Variants in RCSD1 observed in about 807,000 individuals in gnomAD.
RCSD1 encodes the protein capZ-interacting protein.
Under a neutral mutation model 42.5 loss-of-function variants are expected in RCSD1, and 26 were observed. The ratio of observed to expected loss-of-function variants is 0.61; its 90% CI spans 0.45 to 0.85. The LOEUF (loss-of-function observed/expected upper bound fraction) is 0.85, where lower values mean the gene tolerates loss of function less well. RCSD1 is among the 40% of genes least tolerant of loss of function. The pLI is 0.00. For synonymous variants in RCSD1, 220 were observed against 212.2 expected (o/e 1.04, Z -0.32); for missense variants, 571 against 528.3 (o/e 1.08, Z -0.79).
At chr1:167,701,875 G>A (rs1659653596) in intron 6 of RCSD1, among the ~76,000 whole-genome samples, 1 of 152,180 alleles carries the variant, frequency 6.6e-6, no homozygotes, top group Non-Finnish European at 1.5e-5. Flanking sequence ...ACAATTACAA[G>A]GTTGACCCCT....
intron 3 of RCSD1, among the ~76,000 whole-genome samples, chr1:167,687,477 C>A (rs13373989): frequency 0.053 from 7,975 of 150,564 alleles, 728 homozygotes; most frequent in African/African-American, 0.18. Context: ...GAGCCTAGAT[C>A]GCGCCACCGC....
At chr1:167,647,130 C>CA (rs5778560) in intron 1 of RCSD1, among the ~76,000 whole-genome samples, 7 of 112,554 alleles carry the variant, frequency 6.2e-5, no homozygotes, top group East Asian at 2.6e-4. Context: ...AACTCCATCT[C>CA]AAAAAAAAAG....
At position 167,707,582 on chromosome 1, in the gene RCSD1, CTTTTT is replaced by C. The variant is rs892163959; in HGVS notation, c.*2892_*2896del. The stretch of plus-strand genomic sequence containing the variant: ...TGCTTTCCCTCGTATTGGCCATATT[CTTTTT>C]TTTTTCTTTTTTAAAAACTTATTTA... On this transcript the variant is annotated 3_prime_UTR_variant, in exon 7 of 7. Coordinates refer to ENST00000367854, the MANE Select transcript of RCSD1 (RefSeq NM_052862.4). 6.7e-6 allele frequency among the ~76,000 whole-genome samples: 1 copy of C among 149,626 alleles called. No homozygotes were observed. Among genetic ancestry groups the C allele is most frequent in the African/African-American group, 2.5e-5 (1 of 40,722 alleles).
intron 1 of RCSD1, among the ~76,000 whole-genome samples, chr1:167,667,577 T>C (rs141449515): frequency 4.9e-4 from 74 of 152,328 alleles, no homozygotes; most frequent in African/African-American, 1.5e-3. Context: ...TACCCATGGA[T>C]AGAGATATGG....
chr1:167,678,772 C>T (rs746484064), intron 1 of RCSD1, among the ~76,000 whole-genome samples: 10 of 152,200 alleles, frequency 6.6e-5, no homozygotes, highest in African/African-American at 2.4e-4. Context: ...TAGCTGGCCT[C>T]ACACTACCAC....
At chr1:167,649,282 C>T (rs960845821) in intron 1 of RCSD1, among the ~76,000 whole-genome samples, 2 of 152,110 alleles carry the variant, frequency 1.3e-5, no homozygotes, top group African/African-American at 4.8e-5. Context: ...GTAAGCCAGG[C>T]AAGACCTCGA....
chr1:167,647,413 A>T (rs1658185188), intron 1 of RCSD1, among the ~76,000 whole-genome samples: 3 of 145,194 alleles, frequency 2.1e-5, no homozygotes, highest in Admixed American at 1.4e-4. Flanking sequence ...ACATAGTGAG[A>T]CCCCATCGCT....
intron 1 of RCSD1, among the ~76,000 whole-genome samples, chr1:167,665,603 G>A (rs374919212): frequency 2.0e-5 from 3 of 152,262 alleles, no homozygotes; most frequent in East Asian, 1.9e-4. Flanking sequence ...TGATCCAGTT[G>A]TTCTGCAGCT....
chr1:167,642,942 T>A (rs1182809390), intron 1 of RCSD1, among the ~76,000 whole-genome samples: 1 of 152,178 alleles, frequency 6.6e-6, no homozygotes. Flanking sequence ...CCCTTAAGGC[T>A]TTCTTTGCCT....
In RCSD1 at chr1:167,705,753, T is replaced by C; in HGVS notation, c.*1057T>C. The stretch of plus-strand genomic sequence containing the variant: ...GAGTGAGTTGGGGTCTTTAGTCTCT[T>C]CTTATTGGGTAGCTCTTGCTTTAAT... On this transcript the variant is annotated 3_prime_UTR_variant, in exon 7 of 7. Coordinates refer to ENST00000367854, the MANE Select transcript of RCSD1 (RefSeq NM_052862.4). The C allele has an allele frequency of 6.6e-6, 1 of 152,332 alleles. No homozygotes were observed. Among genetic ancestry groups the C allele is most frequent in the Non-Finnish European group, 1.5e-5 (1 of 68,028 alleles). The allele number at this position is 152,332 out of a possible 1,614,324, so 9.4% of individuals were successfully genotyped here. A position where few individuals can be genotyped will look rare whatever the true frequency, so the allele number is the denominator to read the frequency against.
chr1:167,686,093 T>C (rs1659229315), intron 3 of RCSD1, among the ~76,000 whole-genome samples: 2 of 152,332 alleles, frequency 1.3e-5, no homozygotes, highest in South Asian at 2.1e-4. Context: ...TAGCCAGTAA[T>C]AGGTTCTTAG....
chr1:167,656,462 T>C (rs1658428587), intron 1 of RCSD1, among the ~76,000 whole-genome samples: 1 of 152,252 alleles, frequency 6.6e-6, no homozygotes, highest in African/African-American at 2.4e-5. Context: ...ATTGAGGTTC[T>C]TCTTTGTTTT....
chr1:167,658,312 G>A (rs1280856804), intron 1 of RCSD1, among the ~76,000 whole-genome samples: 4 of 152,088 alleles, frequency 2.6e-5, no homozygotes, highest in African/African-American at 9.7e-5. Flanking sequence ...CACACACAAG[G>A]GGTAAGTTTT....
At chr1:167,667,015 T>G (rs1658675250) in intron 1 of RCSD1, among the ~76,000 whole-genome samples, 1 of 152,166 alleles carries the variant, frequency 6.6e-6, no homozygotes, top group Non-Finnish European at 1.5e-5. Flanking sequence ...CTGGATGGCT[T>G]TTGTTTCTTT....
At chr1:167,657,836 T>C (rs908076548) in intron 1 of RCSD1, among the ~76,000 whole-genome samples, 3 of 152,176 alleles carry the variant, frequency 2.0e-5, no homozygotes, top group African/African-American at 7.2e-5. Context: ...CTTGCTTCCT[T>C]TTCCTTGAAA....
intron 6 of RCSD1, among the ~76,000 whole-genome samples, chr1:167,698,350 CA>C (rs1659551971): frequency 6.6e-6 from 1 of 152,228 alleles, no homozygotes. Context: ...GCAAGTGTAG[CA>C]GAAACAATTT....
chr1:167,663,185 C>T (rs563763405), intron 1 of RCSD1, among the ~76,000 whole-genome samples: 19 of 152,300 alleles, frequency 1.2e-4, no homozygotes, highest in African/African-American at 4.3e-4. Flanking sequence ...CCCCGTAGTC[C>T]CACTCCCTAG....
chr1:167,639,775 T>C (rs1394089417), intron 1 of RCSD1, among the ~76,000 whole-genome samples: 1 of 152,220 alleles, frequency 6.6e-6, no homozygotes, highest in East Asian at 1.9e-4. Context: ...ATTACAGGCA[T>C]GAGCCATGAT....
intron 3 of RCSD1, among the ~76,000 whole-genome samples, chr1:167,686,187 T>C (rs987164184): frequency 1.3e-5 from 2 of 152,160 alleles, no homozygotes; most frequent in East Asian, 1.9e-4. Flanking sequence ...CCCATGAACC[T>C]TCACTGTGGT....
Sources: allele counts gnomAD v4.1 joint callset (sites outside exome capture counted in the v4.1 genomes callset), GRCh38; gene constraint gnomAD v4.1.1; transcripts MANE v1.5; gene names NCBI Gene and HGNC (gene_info 2026-07-23, HGNC 2026-07-21).